Variants in SBNO1 observed in about 807,000 individuals in gnomAD.
SBNO1 encodes protein strawberry notch homolog 1.
A neutral mutation model predicts 173.6 loss-of-function variants in SBNO1; 23 were observed. The ratio of observed to expected loss-of-function variants is 0.13; its 90% CI spans 0.10 to 0.19. The LOEUF is 0.19. Ranked by LOEUF, SBNO1 falls within the 10% of genes least tolerant of loss-of-function variation. SBNO1 has a pLI of 1.00. For synonymous variants in SBNO1, 632 were observed against 571.5 expected (o/e 1.11, Z -1.51); for missense variants, 1,238 against 1,671.2 (o/e 0.74, Z 4.52).
At chr12:123,306,680 C>T (rs11057251) in intron 28 of SBNO1, among the ~76,000 whole-genome samples, 79,795 of 151,852 alleles carry the variant, frequency 0.53, 25,291 homozygotes, top group East Asian at 0.7. Flanking sequence ...TAACCAACAC[C>T]TTATGTGGAC....
In SBNO1 at chr12:123,323,701, T is replaced by C. The variant is rs1870279510; in HGVS notation, c.2104A>G (p.Asn702Asp). The C allele has an allele frequency of 6.2e-7, 1 of 1,607,908 alleles. No homozygotes were observed. The highest frequency in any genetic ancestry group is 1.3e-5 in the African/African-American group (1 of 74,404). ...SSPRDSPCKE[N>D]KIKKRKGEEI... Reference sequence around the variant, plus strand: ...TCACCTTTCCGCTTCTTTATTTTATTTTCTTTACAAGGACTATCTCTTGGC... The same window carrying C: ...TCACCTTTCCGCTTCTTTATTTTATCTTCTTTACAAGGACTATCTCTTGGC... Residue 702 changes from asparagine (N) to aspartate (D), a missense_variant, in exon 16 of 32, where the codon AAT becomes GAT. Asn to Asp is a conservative substitution (Grantham distance 23). Transcript: ENST00000602398.
chr12:123,315,800 C>G, intron 21 of SBNO1, 140 bp from the exon 22 acceptor site: 1 of 598,550 alleles, frequency 1.7e-6, no homozygotes, highest in East Asian at 2.8e-5. Context: ...TGTAAAATTA[C>G]CATAACACAC....
At chr12:123,310,867 C>A (rs1467418052) in intron 25 of SBNO1, among the ~76,000 whole-genome samples, 188 bp downstream of exon 25, 1 of 152,136 alleles carries the variant, frequency 6.6e-6, no homozygotes, top group Non-Finnish European at 1.5e-5. Flanking sequence ...GAGAGCTGAT[C>A]ATATCAGCAG....
At chr12:123,297,118 G>A (rs1227033806) in intron 31 of SBNO1, among the ~76,000 whole-genome samples, 1 of 151,250 alleles carries the variant, frequency 6.6e-6, no homozygotes, top group African/African-American at 2.4e-5. Flanking sequence ...CCAGCACTTT[G>A]GGAAGCTGAG....
At chr12:123,338,731 G>A (rs1218258403) in intron 5 of SBNO1, among the ~76,000 whole-genome samples, 8 of 151,904 alleles carry the variant, frequency 5.3e-5, no homozygotes, top group Non-Finnish European at 1.0e-4. Context: ...GGGTGTGGTG[G>A]TGGTGGTGGG....
At chr12:123,304,862 G>C (rs1022711588) in intron 28 of SBNO1, 143 bp from the exon 29 acceptor site, 10 of 615,926 alleles carry the variant, frequency 1.6e-5, no homozygotes, top group Non-Finnish European at 2.8e-5. Context: ...GACCGAAAAT[G>C]CTTGTTTAAA....
chr12:123,355,324 CCT>C (rs1346441055), intron 1 of SBNO1, among the ~76,000 whole-genome samples: 1 of 147,266 alleles, frequency 6.8e-6, no homozygotes, highest in Non-Finnish European at 1.5e-5. Context: ...CAGCTGAGAC[CCT>C]GTTTCTTAAC....
Position 123,321,531 on chromosome 12 carries a change from T to C in SBNO1, c.2323+4A>G, listed in dbSNP as rs576933415. 140 of 1,596,996 alleles carry C rather than the reference T, an allele frequency of 8.8e-5. 1 individual carries two copies. In the South Asian group the frequency reaches 1.5e-3, roughly 17 times the overall value. On this transcript the variant is annotated splice_donor_region_variant and intron_variant, in intron 17 of 31. Coordinates refer to ENST00000602398, the MANE Select transcript of SBNO1 (RefSeq NM_001167856.3). ...TTCGTGTATATTTAATATACTGAACTTACCATTTTCATCATCCTCATTAGA... is the reference window on the plus strand; with the variant it reads ...TTCGTGTATATTTAATATACTGAACCTACCATTTTCATCATCCTCATTAGA...
chr12:123,298,862 G>A (rs1242023111), intron 30 of SBNO1, among the ~76,000 whole-genome samples: 4 of 152,082 alleles, frequency 2.6e-5, no homozygotes, highest in African/African-American at 7.2e-5. Flanking sequence ...GGCTGAGGAG[G>A]GAGTATTGTT....
At chr12:123,361,763 TA>T (rs1566060091) in intron 1 of SBNO1, among the ~76,000 whole-genome samples, 2 of 148,664 alleles carry the variant, frequency 1.3e-5, no homozygotes, top group Non-Finnish European at 3.0e-5. Flanking sequence ...TTGCCTGACA[TA>T]TAACCGCATT....
chr12:123,364,245 G>T, intron 1 of SBNO1: 1 of 985,628 alleles, frequency 1.0e-6, no homozygotes, highest in Middle Eastern at 5.2e-4. Context: ...CCCAGAGCCG[G>T]GAGCAATGCT....
chr12:123,339,843 T>G (rs1324081231), intron 5 of SBNO1, among the ~76,000 whole-genome samples: 1 of 152,102 alleles, frequency 6.6e-6, no homozygotes, highest in African/African-American at 2.4e-5. Context: ...AGCCCAGACC[T>G]ACTATTCCCA....
chr12:123,315,287 T>C (rs748329576), intron 23 of SBNO1, 86 bp downstream of exon 23: 392 of 1,047,042 alleles, frequency 3.7e-4, no homozygotes, highest in Middle Eastern at 6.7e-4. Flanking sequence ...AGTTTTGTTT[T>C]AGACAGTAAC....
rs2048507654 is a variant in SBNO1, at chr12:123,291,307, G to GT, written c.*4600dup. On this transcript the variant is annotated 3_prime_UTR_variant, in exon 32 of 32. Transcript: ENST00000602398. ...TGGGAAGACAGAGATAAGAAATATGGTAAGGCCTGAAAAATTGCAAAAGTA... is the reference window on the plus strand; with the variant it reads ...TGGGAAGACAGAGATAAGAAATATGGTTAAGGCCTGAAAAATTGCAAAAGTA... 1 of 152,178 alleles carries GT rather than the reference G, an allele frequency of 6.6e-6. No individual in the cohort carries two copies. The highest frequency in any genetic ancestry group is 2.4e-5 in the African/African-American group (1 of 41,424). 9.4% of individuals were successfully genotyped at this position (152,178 alleles called of 1,614,324 possible). A position where few individuals can be genotyped will look rare whatever the true frequency, so the allele number is the denominator to read the frequency against.
At chr12:123,338,866 G>A (rs917833592) in intron 5 of SBNO1, among the ~76,000 whole-genome samples, 2 of 149,512 alleles carry the variant, frequency 1.3e-5, no homozygotes, top group African/African-American at 2.5e-5. Context: ...GCAAGACACC[G>A]TCTAAACACA....
intron 6 of SBNO1, among the ~76,000 whole-genome samples, chr12:123,335,494 G>C (rs1566043546): frequency 6.6e-6 from 1 of 152,138 alleles, no homozygotes; most frequent in Non-Finnish European, 1.5e-5. Context: ...AAGACAACTT[G>C]GCTATAAAAT....
At chr12:123,364,006 A>T (rs1875749106) in intron 1 of SBNO1, 7 of 985,432 alleles carry the variant, frequency 7.1e-6, no homozygotes, top group Non-Finnish European at 8.4e-6. Flanking sequence ...AACGCTCTCA[A>T]AGTAAGCAAA....
At chr12:123,312,631 G>A (rs1220170884) in intron 24 of SBNO1, among the ~76,000 whole-genome samples, 6 of 151,374 alleles carry the variant, frequency 4.0e-5, no homozygotes, top group African/African-American at 1.2e-4. Flanking sequence ...AGAACCCTTT[G>A]AACCTGGTGG....
In SBNO1 at chr12:123,295,515, T is replaced by C. The variant is rs2048578062; in HGVS notation, c.*393A>G. On this transcript the variant is annotated 3_prime_UTR_variant, in exon 32 of 32. Transcript: ENST00000602398. ...ATACCTCCCACAGCAATGGCATGGATGTACTGCGTTAACCCTGAGCACTGT... is the reference window on the plus strand; with the variant it reads ...ATACCTCCCACAGCAATGGCATGGACGTACTGCGTTAACCCTGAGCACTGT... 1 of 160,240 alleles carries C rather than the reference T, an allele frequency of 6.2e-6. No homozygotes were observed. The highest frequency in any genetic ancestry group is 1.4e-5 in the Non-Finnish European group (1 of 73,258). The allele number at this position is 160,240 out of a possible 1,614,324, so 9.9% of individuals were successfully genotyped here. A position where few individuals can be genotyped will look rare whatever the true frequency, so the allele number is the denominator to read the frequency against.
Sources: allele counts gnomAD v4.1 joint callset (sites outside exome capture counted in the v4.1 genomes callset), GRCh38; gene constraint gnomAD v4.1.1; transcripts MANE v1.5; gene names NCBI Gene and HGNC (gene_info 2026-07-23, HGNC 2026-07-21).